The following CCDC86 variants were observed in gnomAD, a reference collection of about 807,000 sequenced individuals.
CCDC86 encodes coiled-coil domain containing 86.
In CCDC86, 28 loss-of-function variants were observed where a neutral mutation model predicts 36.7. The ratio of observed to expected loss-of-function variants is 0.76; its 90% confidence interval spans 0.57 to 1.05. The LOEUF (loss-of-function observed/expected upper bound fraction) is 1.05, where lower values mean the gene tolerates loss of function less well. CCDC86 is among the 50% of genes least tolerant of loss of function. CCDC86 has a pLI of 0.00. For synonymous variants in CCDC86, 199 were observed against 203.4 expected (o/e 0.98, Z 0.18); for missense variants, 453 against 470.2 (o/e 0.96, Z 0.34).
intron 1 of CCDC86, among the ~76,000 whole-genome samples, chr11:60,846,306 G>C (rs1012601441): frequency 1.3e-5 from 2 of 152,188 alleles, no homozygotes; most frequent in Admixed American, 6.5e-5. Context: ...TTGGGAAGGG[G>C]AGAAGGAAAT....
intron 1 of CCDC86, 136 bp from the exon 2 acceptor site, chr11:60,847,788 C>T (rs1001491769): frequency 4.2e-5 from 52 of 1,234,310 alleles, no homozygotes; most frequent in African/African-American, 3.4e-4. Context: ...CCTGGAAGGC[C>T]GCCTGTCAGG....
chr11:60,847,850 C>T, intron 1 of CCDC86, 74 bp from the exon 2 acceptor site: 3 of 1,485,848 alleles, frequency 2.0e-6, no homozygotes, highest in Non-Finnish European at 2.7e-6. Context: ...TCCAGAGCCT[C>T]CGGCCGAGAG....
intron 1 of CCDC86, 27 bp downstream of exon 1, chr11:60,842,909 G>T (rs773125938): frequency 1.3e-6 from 2 of 1,537,402 alleles, no homozygotes; most frequent in Non-Finnish European, 1.8e-6. Flanking sequence ...CATGGACAGG[G>T]GTGGCGTTCT....
chr11:60,845,609 G>C (rs541713243), intron 1 of CCDC86, among the ~76,000 whole-genome samples: 4 of 152,264 alleles, frequency 2.6e-5, no homozygotes, highest in African/African-American at 4.8e-5. Flanking sequence ...CTGGGAAAGT[G>C]TATGTGGTGA....
At position 60,842,546 on chromosome 11, in the gene CCDC86, A is replaced by G. The variant is rs763473523; in HGVS notation, c.422A>G (p.Asn141Ser). Residue 141 changes from asparagine to serine, a missense_variant, in exon 1 of 4, where the codon AAT (asparagine) becomes AGT (serine). Transcript: ENST00000227520. ...GTACTGGCCTCGGAGTTGGCCCAGA[A>G]TAAGGAGGAGCTGACCCCGGGGGCC... ...QGVLASELAQNKEELTPGAPQ... is the reference protein window; with the variant it reads ...QGVLASELAQSKEELTPGAPQ... 6.2e-7 allele frequency: 1 copy of G among 1,613,556 alleles called. No individual in the cohort carries two copies. The highest frequency in any genetic ancestry group is 1.3e-5 in the African/African-American group (1 of 75,032).
chr11:60,843,536 C>T (rs1366546619), intron 1 of CCDC86, among the ~76,000 whole-genome samples: 1 of 152,192 alleles, frequency 6.6e-6, no homozygotes, highest in Non-Finnish European at 1.5e-5. Context: ...ACCCCTTTAC[C>T]CAATCCCTGT....
intron 2 of CCDC86, 69 bp from the exon 3 acceptor site, chr11:60,849,871 T>C (rs1345378027): frequency 8.1e-6 from 11 of 1,358,106 alleles, no homozygotes; most frequent in Non-Finnish European, 1.1e-5. Context: ...GCTCGCACTC[T>C]TCTGGGGCCT....
intron 1 of CCDC86, among the ~76,000 whole-genome samples, chr11:60,844,279 C>T (rs1287143458): frequency 6.6e-6 from 1 of 152,162 alleles, no homozygotes; most frequent in Non-Finnish European, 1.5e-5. Context: ...ATCACTTGAC[C>T]AAGAAGTCTG....
chr11:60,842,447 A>C lies in CCDC86; in HGVS notation c.323A>C (p.Glu108Ala). Reference sequence around the variant, plus strand: ...CTGGAGTCGCCTCAAAGACAGCCAGAGTACAGTCCTGAATCCCCACGATGT... The same window carrying C: ...CTGGAGTCGCCTCAAAGACAGCCAGCGTACAGTCCTGAATCCCCACGATGT... ...LHLESPQRQPEYSPESPRCQP... is the reference protein window; with the variant it reads ...LHLESPQRQPAYSPESPRCQP... Residue 108 changes from glutamate to alanine, a missense_variant, in exon 1 of 4, where the codon GAG (glutamate) becomes GCG (alanine). Transcript: ENST00000227520. The C allele has an allele frequency of 6.2e-7, 1 of 1,614,028 alleles. No homozygotes were observed. Among genetic ancestry groups the C allele is most frequent in the Non-Finnish European group, 8.5e-7 (1 of 1,180,016 alleles).
chr11:60,850,422 A>T lies in CCDC86; in HGVS notation c.*97A>T. On this transcript the variant is annotated 3_prime_UTR_variant, in exon 4 of 4. Transcript: ENST00000227520. The stretch of plus-strand genomic sequence containing the variant: ...TGCCTCTGCTGGAGCTGGCACTCCA[A>T]ACCCATGGCTCCAGAACAGGGACCC... The T allele has an allele frequency of 6.8e-7, 1 of 1,466,936 alleles. No homozygotes were observed. The highest frequency in any genetic ancestry group is 9.2e-7 in the Non-Finnish European group (1 of 1,089,792). 90.9% of individuals were successfully genotyped at this position (1,466,936 alleles called of 1,614,324 possible).
chr11:60,848,195 G>C, intron 2 of CCDC86, 142 bp downstream of exon 2: 1 of 1,076,098 alleles, frequency 9.3e-7, no homozygotes, highest in Non-Finnish European at 1.3e-6. Flanking sequence ...AGGCCGGAGG[G>C]AGGAAGGGCA....
Position 60,842,865 on chromosome 11 carries a change from G to A in CCDC86, c.741G>A (p.Lys247=), listed in dbSNP as rs746412311. Residue 247 remains lysine (K), a synonymous_variant, in exon 1 of 4, where the codon AAG becomes AAA. Transcript: ENST00000227520. ...KGKPKSGRVW[K]DRSKKRFSQM... ...AGCCCAAATCGGGGCGAGTGTGGAAGGACCGCTCCAAGAAAAGGTGAAGTG... is the reference window on the plus strand; with the variant it reads ...AGCCCAAATCGGGGCGAGTGTGGAAAGACCGCTCCAAGAAAAGGTGAAGTG... The A allele has an allele frequency of 6.4e-7, 1 of 1,569,788 alleles. No homozygotes were observed. Among genetic ancestry groups the A allele is most frequent in the Non-Finnish European group, 8.6e-7 (1 of 1,156,376 alleles).
intron 2 of CCDC86, among the ~76,000 whole-genome samples, chr11:60,849,387 G>A (rs1855224580): frequency 6.6e-6 from 1 of 152,136 alleles, no homozygotes; most frequent in African/African-American, 2.4e-5. Context: ...AAGGTCTCCT[G>A]TTTAGGAAAT....
Position 60,842,871 on chromosome 11 carries a change from C to T in CCDC86, c.747C>T (p.Arg249=). The T allele has an allele frequency of 6.4e-7, 1 of 1,564,376 alleles. No individual in the cohort carries two copies. The highest frequency in any genetic ancestry group is 8.7e-7 in the Non-Finnish European group (1 of 1,153,686). Reference sequence around the variant, plus strand: ...AATCGGGGCGAGTGTGGAAGGACCGCTCCAAGAAAAGGTGAAGTGGGGGAC... The same window carrying T: ...AATCGGGGCGAGTGTGGAAGGACCGTTCCAAGAAAAGGTGAAGTGGGGGAC... ...KPKSGRVWKD[R]SKKRFSQMLQ... Residue 249 remains arginine, a synonymous_variant, in exon 1 of 4, where the codon CGC becomes CGT. Transcript: ENST00000227520.
At position 60,847,988 on chromosome 11, in the gene CCDC86, CAGGAG is replaced by C. The variant is rs1367223005; in HGVS notation, c.828_832del (p.Arg277AlafsTer26). 6.2e-7 allele frequency: 1 copy of C among 1,613,734 alleles called. No individual in the cohort carries two copies. The highest frequency in any genetic ancestry group is 1.7e-5 in the Admixed American group (1 of 60,004). ...GTGGCAGCGGAAGATGAAGGAACGA[CAGGAG>C]AGGAAGCTGGCCAAGGACTTTGCCC... On this transcript the variant is annotated frameshift_variant, in exon 2 of 4. Transcript: ENST00000227520. LOFTEE classifies it high-confidence loss of function.
Position 60,842,306 on chromosome 11 carries a change from G to T in CCDC86, c.182G>T (p.Arg61Met). The change falls in exon 1 of 4, where the codon AGG becomes ATG. Residue 61 changes from arginine to methionine, a missense_variant. Coordinates refer to ENST00000227520, the MANE Select transcript of CCDC86 (RefSeq NM_024098.4). ...VQRAGLGSPE[R>M]PPKTSPGSPR... is the part of the protein sequence containing the mutation. ...CGGGCTGGCCTGGGGTCCCCCGAAA[G>T]GCCGCCGAAGACAAGCCCAGGATCA... 1 of 1,613,710 alleles carries T rather than the reference G, an allele frequency of 6.2e-7. No individual in the cohort carries two copies. Among genetic ancestry groups the T allele is most frequent in the Non-Finnish European group, 8.5e-7 (1 of 1,179,964 alleles).
At chr11:60,844,883 A>T (rs556631393) in intron 1 of CCDC86, among the ~76,000 whole-genome samples, 18 of 152,248 alleles carry the variant, frequency 1.2e-4, no homozygotes, top group Non-Finnish European at 2.4e-4. Flanking sequence ...GATCTTGGGT[A>T]AACATGTCTG....
At chr11:60,844,297 GGT>G (rs1855157659) in intron 1 of CCDC86, among the ~76,000 whole-genome samples, 1 of 152,178 alleles carries the variant, frequency 6.6e-6, no homozygotes, top group Non-Finnish European at 1.5e-5. Context: ...CTGGAGAGAG[GGT>G]GTGTGGTTCC....
chr11:60,848,193 G>C, intron 2 of CCDC86, 140 bp downstream of exon 2: 1 of 1,084,258 alleles, frequency 9.2e-7, no homozygotes, highest in East Asian at 3.2e-5. Flanking sequence ...GAAGGCCGGA[G>C]GGAGGAAGGG....
Sources: gnomAD v4.1 joint callset for allele counts (sites outside exome capture counted in the v4.1 genomes callset) on GRCh38, gnomAD v4.1.1 for gene constraint, MANE v1.5 for transcripts, NCBI Gene and HGNC (gene_info 2026-07-23, HGNC 2026-07-21) for gene names.